The following VAPB variants were observed in gnomAD, a reference collection of about 807,000 sequenced individuals.
VAPB encodes the protein VAMP associated protein B and C, also known as vesicle-associated membrane protein-associated protein B/C.
VAPB carries 7 observed loss-of-function variants against 25.6 expected under a neutral mutation model. The observed-to-expected ratio is 0.27, with a 90% CI of 0.16 to 0.51. The LOEUF (loss-of-function observed/expected upper bound fraction) is 0.51, where lower values mean the gene tolerates loss of function less well. VAPB is among the 20% of genes least tolerant of loss of function. VAPB has a pLI of 0.97. For missense variants in VAPB, 266 were observed against 301.3 expected (o/e 0.88, Z 0.87); for synonymous variants, 112 against 109.2 (o/e 1.03, Z -0.16).
At chr20:58,440,010 G>T (rs1192759634) in intron 4 of VAPB, 1 of 152,188 alleles carries the variant, frequency 6.6e-6, no homozygotes, top group East Asian at 1.9e-4. Flanking sequence ...CTGTTGATTT[G>T]TGTCAAAACT....
intron 3 of VAPB, among the ~76,000 whole-genome samples, chr20:58,437,648 A>G (rs1452902795): frequency 6.6e-6 from 1 of 151,900 alleles, no homozygotes; most frequent in East Asian, 1.9e-4. Flanking sequence ...TTTTTGACTT[A>G]TGTGGTAGGC....
In VAPB at chr20:58,401,476, A is replaced by G. The variant is rs1331537215; in HGVS notation, c.58+11959A>G. ...GCTTCATCACTACATCTCCCATTGC[A>G]TGTTCAGTCTTCACTACCATTTGAC... On this transcript the variant is annotated intron_variant, in intron 1 of 5. Transcript: ENST00000475243. 3.3e-5 allele frequency among the ~76,000 whole-genome samples: 5 copies of G among 152,152 alleles called. No homozygotes were observed. The South Asian group carries it at 6.2e-4, about 19-fold the overall frequency.
chr20:58,398,857 CTTTT>C (rs11475936), intron 1 of VAPB, among the ~76,000 whole-genome samples: 1 of 143,628 alleles, frequency 7.0e-6, no homozygotes, highest in African/African-American at 2.5e-5. Flanking sequence ...AAGGCTATGG[CTTTT>C]TTTTTTTTTG....
rs773349162 is a variant in VAPB at position 58,447,737 on chromosome 20, T to C, written c.*3502T>C. On this transcript the variant is annotated 3_prime_UTR_variant, in exon 6 of 6. Transcript: ENST00000475243. ...TGACAGTTTTCAAATCGTGCCTATATTTTTTTGCATACACAAATTTTTGTG... is the reference window on the plus strand; with the variant it reads ...TGACAGTTTTCAAATCGTGCCTATACTTTTTTGCATACACAAATTTTTGTG... The C allele has an allele frequency of 1.3e-4, 59 of 453,562 alleles. No individual in the cohort carries two copies. The highest frequency in any genetic ancestry group is 1.3e-4 in the Non-Finnish European group (29 of 226,434). The allele number at this position is 453,562 out of a possible 1,614,324, so 28.1% of individuals were successfully genotyped here.
intron 1 of VAPB, among the ~76,000 whole-genome samples, chr20:58,404,959 A>G (rs1988189039): frequency 6.6e-6 from 1 of 152,072 alleles, no homozygotes; most frequent in South Asian, 2.1e-4. Context: ...AGATGAGAAA[A>G]CTTTTACCTT....
Position 58,448,884 on chromosome 20 carries a change from C to A in VAPB, c.*4649C>A. 1 of 453,978 alleles carries A rather than the reference C, an allele frequency of 2.2e-6. No homozygotes were observed. The highest frequency in any genetic ancestry group is 4.4e-6 in the Non-Finnish European group (1 of 226,784). 28.1% of individuals were successfully genotyped at this position (453,978 alleles called of 1,614,324 possible). ...TAGAAAGAATATTGCCAGTCCGTCT[C>A]GGCAAGGAGATGATGGGAGCGCTTT... On this transcript the variant is annotated 3_prime_UTR_variant, in exon 6 of 6. Transcript: ENST00000475243.
intron 2 of VAPB, among the ~76,000 whole-genome samples, chr20:58,424,666 AAG>A (rs1401427849): frequency 3.3e-5 from 5 of 152,252 alleles, no homozygotes; most frequent in African/African-American, 1.2e-4. Context: ...ATTTATAAAA[AAG>A]AGTGAATAAG....
intron 1 of VAPB, among the ~76,000 whole-genome samples, chr20:58,414,294 C>A (rs1434792900): frequency 6.8e-6 from 1 of 147,452 alleles, no homozygotes; most frequent in Admixed American, 6.6e-5. Context: ...ACCTCCCTCC[C>A]GGATGGGGCT....
intron 1 of VAPB, among the ~76,000 whole-genome samples, chr20:58,414,371 G>GC (rs1435570706): frequency 2.1e-5 from 3 of 146,098 alleles, no homozygotes; most frequent in South Asian, 2.2e-4. Flanking sequence ...GGGCGGAGAC[G>GC]CCCCCCACCT....
At chr20:58,405,221 C>T (rs544142524) in intron 1 of VAPB, among the ~76,000 whole-genome samples, 125 of 152,172 alleles carry the variant, frequency 8.2e-4, no homozygotes, top group African/African-American at 3.0e-3. Flanking sequence ...AGTGTATGAA[C>T]TGTGGAGACA....
chr20:58,447,510 G>A lies in VAPB; in HGVS notation c.*3275G>A, dbSNP rs746083866. The stretch of plus-strand genomic sequence containing the variant: ...TCCAGTGATCCGTGAAAACCTAAAC[G>A]CTTTCAAACAAATCCCAGGAACAGA... On this transcript the variant is annotated 3_prime_UTR_variant, in exon 6 of 6. Coordinates refer to ENST00000475243, the MANE Select transcript of VAPB (RefSeq NM_004738.5). The A allele has an allele frequency of 1.4e-4, 63 of 454,074 alleles. No homozygotes were observed. The highest frequency in any genetic ancestry group is 6.9e-4 in the Middle Eastern group (1 of 1,444). The allele number at this position is 454,074 out of a possible 1,614,324, so 28.1% of individuals were successfully genotyped here. A position where few individuals can be genotyped will look rare whatever the true frequency, so the allele number is the denominator to read the frequency against.
At chr20:58,426,580 TGCC>T (rs1299169871) in intron 2 of VAPB, among the ~76,000 whole-genome samples, 1 of 152,134 alleles carries the variant, frequency 6.6e-6, no homozygotes, top group African/African-American at 2.4e-5. Flanking sequence ...AAGGGAGGCC[TGCC>T]AATAAGAGAC....
At position 58,440,779 on chromosome 20, in the gene VAPB, T is replaced by C. The variant is rs147666916; in HGVS notation, c.397-128T>C. On this transcript the variant is annotated intron_variant, in intron 4 of 5. Transcript: ENST00000475243. ...TAAAGTAATCCATTTTTAAAATAAA[T>C]GTGACATTTTACAGTGTGGATGAAA... 8.7e-5 allele frequency: 71 copies of C among 813,322 alleles called. No individual in the cohort carries two copies. In the East Asian group the frequency reaches 1.9e-3, roughly 22 times the overall value. 50.4% of individuals were successfully genotyped at this position (813,322 alleles called of 1,614,324 possible). A position where few individuals can be genotyped will look rare whatever the true frequency, so the allele number is the denominator to read the frequency against.
intron 2 of VAPB, among the ~76,000 whole-genome samples, chr20:58,427,766 GAT>G (rs1373970444): frequency 2.0e-5 from 3 of 151,830 alleles, no homozygotes; most frequent in East Asian, 3.9e-4. Context: ...TTATGATGCA[GAT>G]GAAAGTGATC....
intron 4 of VAPB, chr20:58,439,580 A>G (rs1989118409): frequency 9.6e-6 from 1 of 104,186 alleles, no homozygotes; most frequent in Admixed American, 9.0e-5. Flanking sequence ...TATTAATAGC[A>G]GCATCCCTGG....
intron 2 of VAPB, among the ~76,000 whole-genome samples, chr20:58,423,443 A>AAAAAAAAAAAAAAAAAAAAAAAAC (rs1988716585): frequency 6.9e-6 from 1 of 145,782 alleles, no homozygotes; most frequent in Non-Finnish European, 1.5e-5. Flanking sequence ...AAAAAAAAAA[A>AAAAAAAAAAAAAAAAAAAAAAAAC]AAAAAAGAAA....
At position 58,447,880 on chromosome 20, in the gene VAPB, G is replaced by A. The variant is rs1315856975; in HGVS notation, c.*3645G>A. 2 of 453,536 alleles carry A rather than the reference G, an allele frequency of 4.4e-6. No individual in the cohort carries two copies. The highest frequency in any genetic ancestry group is 4.7e-5 in the Admixed American group (2 of 42,480). 28.1% of individuals were successfully genotyped at this position (453,536 alleles called of 1,614,324 possible). ...AGAAATACATGTATGAAGAGATAGG[G>A]GTCTTGGGCTTCCCAGTGTCACTTT... On this transcript the variant is annotated 3_prime_UTR_variant, in exon 6 of 6. Transcript: ENST00000475243.
rs773589442 is a variant in VAPB, at chr20:58,449,805, TG to T, written c.*5572del. On this transcript the variant is annotated 3_prime_UTR_variant, in exon 6 of 6. Transcript: ENST00000475243. ...GGGTGCAGGACAGATGCTCGCTTGC[TG>T]GCCTGCTTTCCTGCTTGCATTCTGA... 2 of 454,142 alleles carry T rather than the reference TG, an allele frequency of 4.4e-6. No homozygotes were observed. The highest frequency in any genetic ancestry group is 3.1e-5 in the South Asian group (2 of 64,480). 28.1% of individuals were successfully genotyped at this position (454,142 alleles called of 1,614,324 possible).
intron 1 of VAPB, among the ~76,000 whole-genome samples, chr20:58,397,765 C>G (rs1987998457): frequency 6.6e-6 from 1 of 152,152 alleles, no homozygotes; most frequent in Non-Finnish European, 1.5e-5. Flanking sequence ...CTGCATGCTC[C>G]TGACCAGCCA....
Sources: allele counts gnomAD v4.1 joint callset (sites outside exome capture counted in the v4.1 genomes callset), GRCh38; gene constraint gnomAD v4.1.1; transcripts MANE v1.5; gene names NCBI Gene and HGNC (gene_info 2026-07-23, HGNC 2026-07-21).